ZSWIM5: variants seen among roughly 807,000 people sequenced by gnomAD.
The protein encoded by ZSWIM5 is zinc finger SWIM domain-containing protein 5.
ZSWIM5 carries 55 observed loss-of-function variants against 119.6 expected under a neutral mutation model. That is an observed-to-expected ratio of 0.46 (90% CI 0.37 to 0.58). The LOEUF (loss-of-function observed/expected upper bound fraction) is 0.58, where lower values mean the gene tolerates loss of function less well. Ranked by LOEUF, ZSWIM5 falls within the 20% of genes least tolerant of loss-of-function variation. The probability of loss-of-function intolerance (pLI) is 0.00; values close to 1 mark genes in which losing one functional copy is unlikely to be tolerated. For synonymous variants in ZSWIM5, 537 were observed against 606.9 expected (o/e 0.88, Z 1.69); for missense variants, 1,193 against 1,512.8 (o/e 0.79, Z 3.51).
chr1:45,193,938 G>GTGTGTATATATATATA (rs766920512), intron 1 of ZSWIM5, among the ~76,000 whole-genome samples: 1 of 146,210 alleles, frequency 6.8e-6, no homozygotes, highest in African/African-American at 2.5e-5. Flanking sequence ...GTGCATATGT[G>GTGTGTATATATATATA]TATATATATA....
chr1:45,165,745 C>T (rs968690712), intron 1 of ZSWIM5, among the ~76,000 whole-genome samples: 9 of 151,856 alleles, frequency 5.9e-5, no homozygotes, highest in African/African-American at 2.2e-4. Context: ...TGAACACATA[C>T]ACCCTCCCAA....
chr1:45,165,357 G>T (rs1163068810), intron 1 of ZSWIM5, among the ~76,000 whole-genome samples: 2 of 152,066 alleles, frequency 1.3e-5, no homozygotes, highest in Non-Finnish European at 2.9e-5. Context: ...GCCTACAAGA[G>T]AAAGCAGGAA....
intron 10 of ZSWIM5, 80 bp downstream of exon 10, chr1:45,035,608 A>C: frequency 1.9e-6 from 3 of 1,541,644 alleles, no homozygotes; most frequent in Non-Finnish European, 2.6e-6. Flanking sequence ...GAAAGAAAAG[A>C]AAGTGAAATA....
chr1:45,166,357 A>C (rs1157326873), intron 1 of ZSWIM5, among the ~76,000 whole-genome samples: 1 of 152,114 alleles, frequency 6.6e-6, no homozygotes, highest in East Asian at 1.9e-4. Context: ...CCCACAACCA[A>C]TATAATACTG....
chr1:45,190,500 A>C (rs530602544), intron 1 of ZSWIM5, among the ~76,000 whole-genome samples: 31 of 152,252 alleles, frequency 2.0e-4, no homozygotes, highest in Admixed American at 3.9e-4. Flanking sequence ...AAGCATCCCC[A>C]AAAAAAGAGA....
intron 1 of ZSWIM5, among the ~76,000 whole-genome samples, chr1:45,128,313 G>T (rs1190044687): frequency 6.6e-6 from 1 of 152,030 alleles, no homozygotes; most frequent in African/African-American, 2.4e-5. Context: ...CCCACCTCCA[G>T]CCTCCCAAAT....
intron 1 of ZSWIM5, among the ~76,000 whole-genome samples, chr1:45,166,941 T>C (rs1354043868): frequency 6.6e-6 from 1 of 152,110 alleles, no homozygotes; most frequent in East Asian, 1.9e-4. Context: ...AAGCTACCAA[T>C]GACTTTCTTC....
chr1:45,126,740 C>CA (rs1300029835), intron 1 of ZSWIM5, among the ~76,000 whole-genome samples: 3 of 147,732 alleles, frequency 2.0e-5, no homozygotes, highest in Non-Finnish European at 4.5e-5. Context: ...CTGTTCTCCA[C>CA]AAAAAGGAAA....
intron 1 of ZSWIM5, among the ~76,000 whole-genome samples, chr1:45,178,491 A>G (rs1475921785): frequency 6.6e-6 from 1 of 152,126 alleles, no homozygotes; most frequent in Non-Finnish European, 1.5e-5. Context: ...TTCTACTTTG[A>G]AGTCTGAAGT....
intron 1 of ZSWIM5, among the ~76,000 whole-genome samples, chr1:45,186,109 G>T (rs1159977382): frequency 6.6e-6 from 1 of 151,326 alleles, no homozygotes; most frequent in Non-Finnish European, 1.5e-5. Flanking sequence ...TAGGGACATG[G>T]ATGAAATTGG....
chr1:45,139,140 C>A (rs942723047), intron 1 of ZSWIM5, among the ~76,000 whole-genome samples: 1 of 151,930 alleles, frequency 6.6e-6, no homozygotes, highest in African/African-American at 2.4e-5. Flanking sequence ...CCTCGGCCTC[C>A]CAAAGTGCTG....
chr1:45,065,960 C>A lies in ZSWIM5; in HGVS notation c.953-5713G>T, dbSNP rs531325715. 3.8e-4 allele frequency among the ~76,000 whole-genome samples: 58 copies of A among 151,622 alleles called. No individual in the cohort carries two copies. The South Asian group carries it at 0.011, about 29-fold the overall frequency. ...ATGTGCCATGTTGCTGTGCTGCATC[C>A]ATTAACTCGTCATTTAGTATTAGGT... On this transcript the variant is annotated intron_variant, in intron 2 of 13. Transcript: ENST00000359600.
chr1:45,063,996 AG>A (rs1405192990), intron 2 of ZSWIM5, among the ~76,000 whole-genome samples: 9 of 151,906 alleles, frequency 5.9e-5, no homozygotes, highest in Admixed American at 1.3e-4. Context: ...AAAAAAAAAA[AG>A]AAATCATAAA....
intron 1 of ZSWIM5, among the ~76,000 whole-genome samples, chr1:45,167,098 T>C (rs200469456): frequency 0.012 from 1,816 of 151,902 alleles, 30 homozygotes; most frequent in African/African-American, 0.036. Flanking sequence ...GTAACCAAAA[T>C]AGCATGGTAC....
At chr1:45,189,106 G>A (rs1371459074) in intron 1 of ZSWIM5, among the ~76,000 whole-genome samples, 2 of 152,130 alleles carry the variant, frequency 1.3e-5, no homozygotes, top group East Asian at 1.9e-4. Flanking sequence ...CCTGAGGTCA[G>A]GAGTTCAAGA....
intron 1 of ZSWIM5, among the ~76,000 whole-genome samples, chr1:45,106,815 C>T (rs962767681): frequency 6.6e-6 from 1 of 152,138 alleles, no homozygotes; most frequent in Non-Finnish European, 1.5e-5. Flanking sequence ...CAGATTGTTA[C>T]TGTGTCTGTG....
chr1:45,150,171 TAAAA>T (rs59869691), intron 1 of ZSWIM5, among the ~76,000 whole-genome samples: 2 of 93,382 alleles, frequency 2.1e-5, no homozygotes, highest in African/African-American at 4.0e-5. Flanking sequence ...CTCTATCTCT[TAAAA>T]AAAAAAAAAA....
At position 45,159,981 on chromosome 1, in the gene ZSWIM5, T is replaced by C. The variant is rs529268516; in HGVS notation, c.595+45775A>G. On this transcript the variant is annotated intron_variant, in intron 1 of 13. Transcript: ENST00000359600. ...TTTAAATGTCACTTTTTTGATGAAC[T>C]CTACTCACCAAAGGCCCTTCATTTA... Among the ~76,000 whole-genome samples, 7 of 152,280 alleles carry C rather than the reference T, an allele frequency of 4.6e-5. No individual in the cohort carries two copies. The South Asian group carries it at 8.3e-4, about 18-fold the overall frequency.
chr1:45,022,962 G>GT (rs1247426862), intron 11 of ZSWIM5, among the ~76,000 whole-genome samples: 2 of 152,070 alleles, frequency 1.3e-5, no homozygotes, highest in South Asian at 2.1e-4. Context: ...ACACTGAGGA[G>GT]TTTTTTTTCC....
Sources: gnomAD v4.1 joint callset for allele counts (sites outside exome capture counted in the v4.1 genomes callset) on GRCh38, gnomAD v4.1.1 for gene constraint, MANE v1.5 for transcripts, NCBI Gene and HGNC (gene_info 2026-07-23, HGNC 2026-07-21) for gene names.